The following SGMS1 variants were observed in gnomAD, a reference collection of about 807,000 sequenced individuals.
The protein encoded by SGMS1 is sphingomyelin synthase 1, also known as phosphatidylcholine:ceramide cholinephosphotransferase 1.
Under a neutral mutation model 46.2 loss-of-function variants are expected in SGMS1, and 13 were observed. That is an observed-to-expected ratio of 0.28 (90% CI 0.18 to 0.45). The LOEUF (loss-of-function observed/expected upper bound fraction) is 0.45, where lower values mean the gene tolerates loss of function less well. Among genes scored for constraint, SGMS1 ranks in the 20% least tolerant of loss-of-function variants. The pLI is 1.00. For missense variants in SGMS1, 324 were observed against 519.9 expected (o/e 0.62, Z 3.66); for synonymous variants, 203 against 187.8 (o/e 1.08, Z -0.66).
intron 3 of SGMS1, among the ~76,000 whole-genome samples, chr10:50,489,953 G>A (rs144631045): frequency 0.011 from 1,613 of 152,202 alleles, 71 homozygotes; most frequent in Admixed American, 0.085. Context: ...CAGCCTGGGT[G>A]AGAGAATGAG....
rs998917712 is a variant in SGMS1 at position 50,306,080 on chromosome 10, C to G, written c.*1062G>C. On this transcript the variant is annotated 3_prime_UTR_variant, in exon 11 of 11. Transcript: ENST00000361781. ...TTTAGGTAAGTGATCATTTTCAAAACTCTCTTTAAGAAAAGATATTCATGG... is the reference window on the plus strand; with the variant it reads ...TTTAGGTAAGTGATCATTTTCAAAAGTCTCTTTAAGAAAAGATATTCATGG... The G allele has an allele frequency of 1.4e-4, 21 of 152,696 alleles. No individual in the cohort carries two copies. Among genetic ancestry groups the G allele is most frequent in the African/African-American group, 4.6e-4 (19 of 41,454 alleles). The allele number at this position is 152,696 out of a possible 1,614,324, so 9.5% of individuals were successfully genotyped here.
At chr10:50,512,561 C>T (rs1837766339) in intron 3 of SGMS1, among the ~76,000 whole-genome samples, 1 of 152,132 alleles carries the variant, frequency 6.6e-6, no homozygotes, top group African/African-American at 2.4e-5. Context: ...CCTGGGTTTG[C>T]CAGTCCATGA....
At chr10:50,609,521 G>GTTTTTTTTTTTTTTTT (rs370846975) in intron 1 of SGMS1, among the ~76,000 whole-genome samples, 1 of 117,010 alleles carries the variant, frequency 8.5e-6, no homozygotes, top group Non-Finnish European at 1.7e-5. Flanking sequence ...CTTCTCAATA[G>GTTTTTTTTTTTTTTTT]TTTTTTTTTT....
At chr10:50,503,130 C>A (rs1837675926) in intron 3 of SGMS1, among the ~76,000 whole-genome samples, 1 of 152,196 alleles carries the variant, frequency 6.6e-6, no homozygotes, top group African/African-American at 2.4e-5. Flanking sequence ...TTTGTAATGT[C>A]TACAGAAAGC....
intron 1 of SGMS1, among the ~76,000 whole-genome samples, chr10:50,610,850 T>C (rs7897345): frequency 0.25 from 37,803 of 152,114 alleles, 5,628 homozygotes; most frequent in African/African-American, 0.4. Context: ...TGTTCACACC[T>C]GTATCCTGGC....
At chr10:50,582,497 C>A (rs377388332) in intron 2 of SGMS1, among the ~76,000 whole-genome samples, 3 of 152,226 alleles carry the variant, frequency 2.0e-5, no homozygotes, top group Admixed American at 1.3e-4. Flanking sequence ...TCACACCACA[C>A]TGAAGGGTTC....
intron 2 of SGMS1, among the ~76,000 whole-genome samples, chr10:50,544,908 A>T (rs1201487700): frequency 6.6e-6 from 1 of 152,172 alleles, no homozygotes; most frequent in Non-Finnish European, 1.5e-5. Context: ...CCAACTATTG[A>T]TACTACCTCC....
chr10:50,368,801 G>C (rs1848391023), intron 6 of SGMS1, among the ~76,000 whole-genome samples: 1 of 152,104 alleles, frequency 6.6e-6, no homozygotes, highest in Admixed American at 6.5e-5. Context: ...GTTAACCAAA[G>C]GCATTATAAA....
intron 7 of SGMS1, among the ~76,000 whole-genome samples, chr10:50,330,997 C>T (rs934031728): frequency 6.6e-6 from 1 of 152,060 alleles, no homozygotes; most frequent in Non-Finnish European, 1.5e-5. Context: ...AAAGACATCA[C>T]TTTCTTATGA....
At chr10:50,516,277 T>C (rs1564422368) in intron 3 of SGMS1, among the ~76,000 whole-genome samples, 1 of 152,208 alleles carries the variant, frequency 6.6e-6, no homozygotes, top group Non-Finnish European at 1.5e-5. Flanking sequence ...CATGCTGCTT[T>C]CTATGCCTAT....
intron 2 of SGMS1, among the ~76,000 whole-genome samples, chr10:50,581,856 C>T (rs1439601921): frequency 1.3e-5 from 2 of 152,170 alleles, no homozygotes; most frequent in East Asian, 1.9e-4. Context: ...ATGCAGGACT[C>T]ACAGGTGAAG....
At chr10:50,611,218 C>T (rs377328650) in intron 1 of SGMS1, among the ~76,000 whole-genome samples, 3 of 152,182 alleles carry the variant, frequency 2.0e-5, no homozygotes, top group African/African-American at 4.8e-5. Flanking sequence ...GGAATCAACA[C>T]GCACTCTCTC....
chr10:50,375,582 G>C (rs1196199431), intron 6 of SGMS1, among the ~76,000 whole-genome samples: 1 of 152,128 alleles, frequency 6.6e-6, no homozygotes, highest in Non-Finnish European at 1.5e-5. Context: ...TTGCAGAGTG[G>C]GACACATTTC....
At chr10:50,623,289 G>A (rs1288506932) in intron 1 of SGMS1, among the ~76,000 whole-genome samples, 2 of 152,148 alleles carry the variant, frequency 1.3e-5, no homozygotes, top group African/African-American at 4.8e-5. Flanking sequence ...TCGGCCCCTG[G>A]GTGGGGGTCT....
chr10:50,603,796 T>C (rs1409785885), intron 1 of SGMS1, among the ~76,000 whole-genome samples: 1 of 152,236 alleles, frequency 6.6e-6, no homozygotes, highest in Non-Finnish European at 1.5e-5. Flanking sequence ...GTTATGTATC[T>C]TTAAACACTT....
intron 2 of SGMS1, among the ~76,000 whole-genome samples, chr10:50,549,456 C>A (rs993945835): frequency 1.3e-5 from 2 of 152,146 alleles, no homozygotes; most frequent in Non-Finnish European, 1.5e-5. Context: ...AAATGAAACA[C>A]CACATGTTCT....
At chr10:50,624,301 G>A (rs1318001482), upstream of SGMS1, among the ~76,000 whole-genome samples, 1 of 152,148 alleles carries the variant, frequency 6.6e-6, no homozygotes, top group Non-Finnish European at 1.5e-5. Flanking sequence ...CACAAAGCAG[G>A]GAACGCAAAC....
chr10:50,589,748 A>T (rs1304036542), intron 2 of SGMS1, among the ~76,000 whole-genome samples: 2 of 152,230 alleles, frequency 1.3e-5, no homozygotes, highest in African/African-American at 4.8e-5. Context: ...CCGGGATTAC[A>T]GGTGTAAGCC....
At chr10:50,562,604 C>A (rs888395549) in intron 2 of SGMS1, among the ~76,000 whole-genome samples, 10 of 152,300 alleles carry the variant, frequency 6.6e-5, no homozygotes, top group Admixed American at 2.0e-4. Context: ...AGTGCAGTGG[C>A]GCGATCTCGT....
Sources: allele counts gnomAD v4.1 joint callset (sites outside exome capture counted in the v4.1 genomes callset), GRCh38; gene constraint gnomAD v4.1.1; transcripts MANE v1.5; gene names NCBI Gene and HGNC (gene_info 2026-07-23, HGNC 2026-07-21).